The following C20orf173 variants were observed in gnomAD, a reference collection of about 807,000 sequenced individuals.
C20orf173 encodes uncharacterized protein C20orf173.
C20orf173 carries 22 observed loss-of-function variants against 26.7 expected under a neutral mutation model. The ratio of observed to expected loss-of-function variants is 0.82; its 90% CI spans 0.59 to 1.18. The LOEUF (loss-of-function observed/expected upper bound fraction) is 1.18, where lower values mean the gene tolerates loss of function less well. C20orf173 is among the 50% of genes most tolerant of loss of function. The pLI is 0.00. For synonymous variants in C20orf173, 85 were observed against 96.4 expected (o/e 0.88, Z 0.69); for missense variants, 210 against 250.3 (o/e 0.84, Z 1.09).
chr20:35,528,228 C>T lies in C20orf173; in HGVS notation c.*25+5G>A. 1 of 1,551,362 alleles carries T rather than the reference C, an allele frequency of 6.4e-7. No homozygotes were observed. Among genetic ancestry groups the T allele is most frequent in the South Asian group, 1.2e-5 (1 of 84,054 alleles). ...CATCCTACCCCTTTTCCTATTCCCC[C>T]TCACCGTGTCTTTGCTATCTTCCAC... On this transcript the variant is annotated splice_donor_5th_base_variant and intron_variant, in intron 5 of 5. Transcript: ENST00000444723.
chr20:35,524,682 T>G (rs2064493146), downstream of C20orf173, among the ~76,000 whole-genome samples: 1 of 151,272 alleles, frequency 6.6e-6, no homozygotes, highest in Non-Finnish European at 1.5e-5. Context: ...TAAGACTACC[T>G]TTTTTTGTTC....
chr20:35,529,366 C>T lies in C20orf173; in HGVS notation c.8G>A (p.Arg3His), dbSNP rs775828664. Residue 3 changes from arginine to histidine, a missense_variant, in exon 2 of 6, where the codon CGC (arginine) becomes CAC (histidine). Arg to His is a conservative substitution (Grantham distance 29). Transcript: ENST00000444723. Reference sequence around the variant, plus strand: ...GACCCACAGGACAAAAATCTGCCAGCGCTTCATGTCTGGCCCAGGCGGTGG... The same window carrying T: ...GACCCACAGGACAAAAATCTGCCAGTGCTTCATGTCTGGCCCAGGCGGTGG... MK[R>H]WQIFVLWVFW... 1.4e-5 allele frequency: 21 copies of T among 1,538,866 alleles called. No individual in the cohort carries two copies. The Admixed American group carries it at 2.0e-4, about 14-fold the overall frequency.
chr20:35,528,398 C>A, intron 4 of C20orf173, 53 bp downstream of exon 4: 1 of 1,546,548 alleles, frequency 6.5e-7, no homozygotes, highest in Middle Eastern at 1.7e-4. Context: ...TTACTCCCTG[C>A]AGTGACCTCC....
At chr20:35,524,600 G>A (rs1167784072), downstream of C20orf173, among the ~76,000 whole-genome samples, 1 of 151,874 alleles carries the variant, frequency 6.6e-6, no homozygotes. Context: ...AATTCTAAAA[G>A]TCAACAATCT....
chr20:35,521,063 G>A (rs1057076429), downstream of C20orf173: 1 of 152,570 alleles, frequency 6.6e-6, no homozygotes, highest in Non-Finnish European at 1.5e-5. Flanking sequence ...AATTTTGCAT[G>A]GTGTTCTCAA....
chr20:35,529,492 T>A, intron 1 of C20orf173, 67 bp downstream of exon 1: 1 of 903,388 alleles, frequency 1.1e-6, no homozygotes, highest in Non-Finnish European at 1.6e-6. Flanking sequence ...CCTCCACAAC[T>A]CCCCATCCCA....
Position 35,528,851 on chromosome 20 carries a change from T to C in C20orf173, c.338A>G (p.Lys113Arg), listed in dbSNP as rs993829770. 6 of 1,550,998 alleles carry C rather than the reference T, an allele frequency of 3.9e-6. No individual in the cohort carries two copies. The African/African-American group carries it at 8.2e-5, about 21-fold the overall frequency. Residue 113 changes from lysine (K) to arginine (R), a missense_variant, in exon 3 of 6, where the codon AAA (lysine) becomes AGA (arginine). Transcript: ENST00000444723. ...LGMNSGSELG[K>R]LWRKLFKGIP... is the part of the protein sequence containing the mutation. Reference sequence around the variant, plus strand: ...CCCTTTAAACAGCTTCCTCCACAATTTCCCAAGCTCGCTCCCTGAGTTCAT... The same window carrying C: ...CCCTTTAAACAGCTTCCTCCACAATCTCCCAAGCTCGCTCCCTGAGTTCAT...
At chr20:35,521,311 CA>C (rs1168311324), downstream of C20orf173, among the ~76,000 whole-genome samples, 1 of 152,130 alleles carries the variant, frequency 6.6e-6, no homozygotes, top group African/African-American at 2.4e-5. Context: ...TCAAGGAAGA[CA>C]GACTCTAAAT....
downstream of C20orf173, chr20:35,526,847 A>G (rs758772800): frequency 3.9e-5 from 6 of 152,184 alleles, no homozygotes; most frequent in Non-Finnish European, 8.8e-5. Context: ...TGCACTTGGC[A>G]TGAAATTGAA....
chr20:35,522,427 A>G (rs2064480450), downstream of C20orf173: 1 of 152,154 alleles, frequency 6.6e-6, no homozygotes, highest in Non-Finnish European at 1.5e-5. Context: ...TTGTCTGTTT[A>G]TGCAGTACAC....
chr20:35,528,156 G>C (rs746104979), intron 5 of C20orf173, 77 bp downstream of exon 5: 3 of 1,268,916 alleles, frequency 2.4e-6, no homozygotes, highest in African/African-American at 1.5e-5. Flanking sequence ...TGGGGAGGAA[G>C]GGGGAGGGAA....
chr20:35,524,145 G>C (rs562957044), downstream of C20orf173, among the ~76,000 whole-genome samples: 386 of 152,178 alleles, frequency 2.5e-3, no homozygotes, highest in African/African-American at 8.6e-3. Flanking sequence ...AGTCTCCCAA[G>C]TAGCTGGGAC....
rs555128596 is a variant in C20orf173, at chr20:35,527,170, G to A, written c.*106C>T. ...CACTAGACGTGGGCAGTATTTCCTT[G>A]GAGCCCTTGGTCTGATTATCCTCCT... On this transcript the variant is annotated 3_prime_UTR_variant, in exon 6 of 6. Transcript: ENST00000444723. 1.3e-5 allele frequency: 2 copies of A among 152,156 alleles called. No homozygotes were observed. Among genetic ancestry groups the A allele is most frequent in the Non-Finnish European group, 2.9e-5 (2 of 68,044 alleles). 9.4% of individuals were successfully genotyped at this position (152,156 alleles called of 1,614,324 possible).
At chr20:35,528,996 G>A (rs367788262) in intron 2 of C20orf173, 69 bp downstream of exon 2, 105 of 1,534,088 alleles carry the variant, frequency 6.8e-5, no homozygotes, top group East Asian at 3.0e-4. Flanking sequence ...GGATTTGGGC[G>A]GAAAGTGGGA....
intron 3 of C20orf173, 68 bp downstream of exon 3, chr20:35,528,633 G>A: frequency 1.8e-5 from 28 of 1,544,072 alleles, no homozygotes; most frequent in Non-Finnish European, 2.5e-5. Flanking sequence ...TTGGGAAGGG[G>A]AGCAGAAACT....
rs2064533425 is a variant in C20orf173, at chr20:35,529,308, G to A, written c.66C>T (p.Pro22=). The A allele has an allele frequency of 6.4e-7, 1 of 1,551,304 alleles. No homozygotes were observed. The change falls in exon 2 of 6, where the codon CCC becomes CCT. Residue 22 remains proline (P), a synonymous_variant. Transcript: ENST00000444723. ...CTGATTCAGGTGTCAGATCCAGATA[G>A]GGGGTCATCAGCCAGAGGATGAGCA... The part of the protein sequence containing the change: ...FWVLILWLMT[P]YLDLTPESAP...
rs1400631727 is a variant in C20orf173 at position 35,529,012 on chromosome 20, GT to G, written c.309+52del. ...GATTTGGGCGGAAAGTGGGAGATGG[GT>G]GAGGCCCGGAAAGCATGGGGGATAT... On this transcript the variant is annotated intron_variant, in intron 2 of 5. Transcript: ENST00000444723. 3 of 1,536,336 alleles carry G rather than the reference GT, an allele frequency of 2.0e-6. No individual in the cohort carries two copies. The South Asian group carries it at 3.6e-5, about 19-fold the overall frequency.
downstream of C20orf173, among the ~76,000 whole-genome samples, chr20:35,521,354 A>C (rs79650792): frequency 2.4e-3 from 370 of 152,274 alleles, no homozygotes; most frequent in African/African-American, 8.5e-3. Flanking sequence ...CAGAAAAGAG[A>C]GCACCAACTA....
At chr20:35,528,175 G>C (rs535236215) in intron 5 of C20orf173, 58 bp downstream of exon 5, 2 of 1,457,186 alleles carry the variant, frequency 1.4e-6, no homozygotes, top group African/African-American at 1.4e-5. Flanking sequence ...AACTGACCTG[G>C]GGCCCTTCCC....
Sources: allele counts gnomAD v4.1 joint callset (sites outside exome capture counted in the v4.1 genomes callset), GRCh38; gene constraint gnomAD v4.1.1; transcripts MANE v1.5; gene names NCBI Gene and HGNC (gene_info 2026-07-23, HGNC 2026-07-21).